The following SIK3 variants were observed in gnomAD, a reference collection of about 807,000 sequenced individuals.
SIK3 encodes serine/threonine-protein kinase SIK3.
In SIK3, 28 loss-of-function variants were observed where a neutral mutation model predicts 144.2. The observed-to-expected ratio is 0.19, with a 90% CI of 0.14 to 0.27. The LOEUF (loss-of-function observed/expected upper bound fraction) is 0.27, where lower values mean the gene tolerates loss of function less well. Among genes scored for constraint, SIK3 ranks in the 10% least tolerant of loss-of-function variants. SIK3 has a pLI of 1.00. For missense variants in SIK3, 1,319 were observed against 1,776.0 expected (o/e 0.74, Z 4.62); for synonymous variants, 686 against 676.3 (o/e 1.01, Z -0.22).
chr11:117,011,106 T>C (rs1160497096), intron 1 of SIK3, among the ~76,000 whole-genome samples: 1 of 152,106 alleles, frequency 6.6e-6, no homozygotes, highest in Non-Finnish European at 1.5e-5. Context: ...GGGGACAGCG[T>C]GAGACCCTGT....
At chr11:116,871,124 G>A (rs73023041) in intron 13 of SIK3, among the ~76,000 whole-genome samples, 4,270 of 152,314 alleles carry the variant, frequency 0.028, 89 homozygotes, top group Non-Finnish European at 0.043. Context: ...AAACATGTGA[G>A]TGAAATGAGA....
chr11:116,959,990 T>A (rs1362145490), intron 1 of SIK3, among the ~76,000 whole-genome samples: 1 of 152,192 alleles, frequency 6.6e-6, no homozygotes, highest in East Asian at 1.9e-4. Flanking sequence ...ATTACCCTGA[T>A]TTGATCATTA....
chr11:117,050,743 T>C (rs1243405058), intron 1 of SIK3, among the ~76,000 whole-genome samples: 1 of 152,144 alleles, frequency 6.6e-6, no homozygotes, highest in African/African-American at 2.4e-5. Flanking sequence ...TAGTTTTTTT[T>C]TAATGGATCT....
At chr11:116,848,122 G>C (rs933993811) in intron 22 of SIK3, among the ~76,000 whole-genome samples, 1 of 152,146 alleles carries the variant, frequency 6.6e-6, no homozygotes, top group African/African-American at 2.4e-5. Context: ...AGACCATCCT[G>C]GCTAACACGG....
At position 116,873,596 on chromosome 11, in the gene SIK3, T is replaced by C. The variant is rs1172044152; in HGVS notation, c.1622A>G (p.Asn541Ser). The C allele has an allele frequency of 2.5e-6, 4 of 1,599,216 alleles. No individual in the cohort carries two copies. Among genetic ancestry groups the C allele is most frequent in the East Asian group, 2.2e-5 (1 of 44,776 alleles). Reference protein sequence around the residue: ...LLQPPTLQLLNGMGPLGRRAS... With the variant: ...LLQPPTLQLLSGMGPLGRRAS... ...CCTCCGGCCAAGGGGGCCCATTCCATTCAACAGCTGTAGCGTGGGCGGCTG... is the reference window on the plus strand; with the variant it reads ...CCTCCGGCCAAGGGGGCCCATTCCACTCAACAGCTGTAGCGTGGGCGGCTG... Residue 541 changes from asparagine to serine, a missense_variant, in exon 13 of 25, where the codon AAT becomes AGT. By Grantham distance (46) the Asn-to-Ser change is conservative. Around this residue, in one of 8 missense-constraint regions of SIK3, gnomAD observed 167 missense variants for 263.3 expected, o/e 0.63. Coordinates refer to ENST00000445177, the MANE Select transcript of SIK3 (RefSeq NM_001366686.3).
chr11:116,947,508 T>C (rs1422729621), intron 3 of SIK3, among the ~76,000 whole-genome samples: 1 of 147,018 alleles, frequency 6.8e-6, no homozygotes, highest in Non-Finnish European at 1.5e-5. Context: ...TTTTTTACTT[T>C]AGCTAGGGAA....
intron 3 of SIK3, among the ~76,000 whole-genome samples, chr11:116,939,903 T>A (rs1400241033): frequency 6.6e-6 from 1 of 152,238 alleles, no homozygotes; most frequent in African/African-American, 2.4e-5. Context: ...AATTTAGACA[T>A]TTTTCAACTC....
intron 4 of SIK3, among the ~76,000 whole-genome samples, chr11:116,922,913 T>C (rs755673466): frequency 0.098 from 9,138 of 93,210 alleles, 605 homozygotes; most frequent in African/African-American, 0.25. Flanking sequence ...TTCTCTTTTT[T>C]TTTTTTTTTT....
intron 1 of SIK3, among the ~76,000 whole-genome samples, chr11:116,994,384 T>A (rs75826529): frequency 0.08 from 12,192 of 152,180 alleles, 624 homozygotes; most frequent in African/African-American, 0.13. Context: ...TAGAGCATAG[T>A]GGTTAAGATT....
chr11:117,087,548 A>G (rs1456124363), intron 1 of SIK3, among the ~76,000 whole-genome samples: 3 of 152,158 alleles, frequency 2.0e-5, no homozygotes, highest in Non-Finnish European at 4.4e-5. Flanking sequence ...GACTTGTACT[A>G]TATCTATGGG....
At position 116,970,301 on chromosome 11, in the gene SIK3, T is replaced by C. The variant is rs541254550; in HGVS notation, c.274-13237A>G. 2.6e-5 allele frequency among the ~76,000 whole-genome samples: 4 copies of C among 152,218 alleles called. No individual in the cohort carries two copies. In the South Asian group the frequency reaches 8.3e-4, roughly 32 times the overall value. ...TATAAAAAAGAAAGAAAGAGAGTTA[T>C]CAAGATAAGGTTCTCACTGTGCCAA... On this transcript the variant is annotated intron_variant, in intron 1 of 24. Transcript: ENST00000445177.
intron 1 of SIK3, chr11:117,035,893 T>C: frequency 6.3e-7 from 1 of 1,596,574 alleles, no homozygotes; most frequent in Admixed American, 1.7e-5. Flanking sequence ...CACACAAAAC[T>C]ACCGTTTGTG....
chr11:116,847,651 C>T, intron 22 of SIK3, 43 bp from the exon 23 acceptor site: 4 of 1,611,440 alleles, frequency 2.5e-6, no homozygotes, highest in Non-Finnish European at 3.4e-6. Context: ...CACAAGACAC[C>T]ACTCTCAGGC....
At chr11:116,969,148 G>T (rs1949673573) in intron 1 of SIK3, among the ~76,000 whole-genome samples, 1 of 151,902 alleles carries the variant, frequency 6.6e-6, no homozygotes, top group Non-Finnish European at 1.5e-5. Flanking sequence ...AAATTAGCTG[G>T]GCGTAGTGGC....
chr11:116,949,841 T>A (rs1184478813), intron 3 of SIK3, among the ~76,000 whole-genome samples: 1 of 152,164 alleles, frequency 6.6e-6, no homozygotes, highest in South Asian at 2.1e-4. Flanking sequence ...TCACTCCCTG[T>A]TGCAAATGAA....
chr11:116,954,658 C>T (rs1949074102), intron 2 of SIK3, among the ~76,000 whole-genome samples: 3 of 151,952 alleles, frequency 2.0e-5, no homozygotes, highest in African/African-American at 4.8e-5. Context: ...TTTAAAGTAA[C>T]GTAAGTGATT....
intron 4 of SIK3, among the ~76,000 whole-genome samples, chr11:116,902,409 A>G (rs1222684556): frequency 1.3e-5 from 2 of 152,248 alleles, no homozygotes; most frequent in Admixed American, 6.5e-5. Context: ...AAAGAAAACA[A>G]TATCAAAGGG....
chr11:117,096,385 T>C (rs1002491697), intron 1 of SIK3, among the ~76,000 whole-genome samples: 7 of 151,566 alleles, frequency 4.6e-5, no homozygotes, highest in African/African-American at 1.2e-4. Flanking sequence ...ACACAGAAAA[T>C]AGGCAGAAAA....
intron 4 of SIK3, among the ~76,000 whole-genome samples, chr11:116,916,441 G>A (rs554729032): frequency 1.3e-5 from 2 of 151,936 alleles, no homozygotes; most frequent in Admixed American, 6.6e-5. Context: ...CCTTGCAAAG[G>A]CTTGCCTAAA....
Sources: allele counts gnomAD v4.1 joint callset (sites outside exome capture counted in the v4.1 genomes callset), GRCh38; gene constraint gnomAD v4.1.1; regional missense constraint gnomAD v4.1.1; transcripts MANE v1.5; gene names NCBI Gene and HGNC (gene_info 2026-07-23, HGNC 2026-07-21).